Variants in DPP6 observed in about 807,000 individuals in gnomAD.
The protein encoded by DPP6 is A-type potassium channel modulatory protein DPP6.
In DPP6, 69 loss-of-function variants were observed where a neutral mutation model predicts 122.6. That is an observed-to-expected ratio of 0.56 (90% CI 0.46 to 0.69). The LOEUF is 0.69. DPP6 is among the 30% of genes least tolerant of loss of function. The pLI is 0.00. For synonymous variants in DPP6, 418 were observed against 433.1 expected (o/e 0.97, Z 0.43); for missense variants, 928 against 1,116.9 (o/e 0.83, Z 2.41).
chr7:154,692,160 T>C (rs1839967325), intron 7 of DPP6, among the ~76,000 whole-genome samples: 1 of 152,248 alleles, frequency 6.6e-6, no homozygotes, highest in East Asian at 1.9e-4. Context: ...AGGAGAAATC[T>C]ATTATTATCT....
At chr7:154,203,046 G>A (rs571312237) in intron 1 of DPP6, among the ~76,000 whole-genome samples, 40 of 152,256 alleles carry the variant, frequency 2.6e-4, no homozygotes, top group African/African-American at 9.1e-4. Context: ...TGATTTTGCC[G>A]CTTACTAGGT....
intron 6 of DPP6, among the ~76,000 whole-genome samples, chr7:154,660,572 A>G (rs1324132875): frequency 3.7e-5 from 5 of 136,210 alleles, no homozygotes; most frequent in South Asian, 2.4e-4. Context: ...ACCATGGCGT[A>G]TCGGCCGTAG....
intron 21 of DPP6, 179 bp downstream of exon 21, chr7:154,881,121 C>A: frequency 1.9e-6 from 2 of 1,075,182 alleles, no homozygotes; most frequent in Non-Finnish European, 2.5e-6. Context: ...ATTTGATCAG[C>A]TCATTTTCCT....
At chr7:154,883,909 TGCTCACACAC>T (rs200625740) in intron 21 of DPP6, 1 of 118,006 alleles carries the variant, frequency 8.5e-6, no homozygotes, top group Non-Finnish European at 1.7e-5. Flanking sequence ...TACATACACA[TGCTCACACAC>T]GCTCACACAT....
chr7:154,274,651 T>G (rs1172892351), intron 1 of DPP6, among the ~76,000 whole-genome samples: 3 of 135,418 alleles, frequency 2.2e-5, no homozygotes, highest in African/African-American at 8.4e-5. Context: ...GCAAAATACG[T>G]TTTTTTTCTT....
intron 4 of DPP6, among the ~76,000 whole-genome samples, chr7:154,562,480 A>G (rs531063786): frequency 6.6e-6 from 1 of 152,278 alleles, no homozygotes; most frequent in African/African-American, 2.4e-5. Flanking sequence ...TAAAAATACC[A>G]TAAATATCAT....
chr7:154,860,777 C>T (rs1365806427), intron 17 of DPP6, among the ~76,000 whole-genome samples: 1 of 152,228 alleles, frequency 6.6e-6, no homozygotes, highest in Admixed American at 6.5e-5. Flanking sequence ...TCTCACCCTG[C>T]AGGCCAACTG....
chr7:154,319,021 C>T (rs1332912799), intron 1 of DPP6, among the ~76,000 whole-genome samples: 1 of 152,200 alleles, frequency 6.6e-6, no homozygotes, highest in Non-Finnish European at 1.5e-5. Context: ...GTGTGATGAT[C>T]TTTATGTGGC....
chr7:153,971,592 G>A (rs1305105756), intron 1 of DPP6, among the ~76,000 whole-genome samples: 2 of 131,934 alleles, frequency 1.5e-5, no homozygotes, highest in Non-Finnish European at 3.3e-5. Context: ...GATATCTTTT[G>A]GCAGGTTATG....
intron 1 of DPP6, among the ~76,000 whole-genome samples, chr7:154,261,911 T>C (rs1803045866): frequency 6.6e-6 from 1 of 151,978 alleles, no homozygotes; most frequent in Admixed American, 6.6e-5. Context: ...GGAGAAGCTC[T>C]AGGGGAAAAA....
intron 17 of DPP6, among the ~76,000 whole-genome samples, chr7:154,857,090 C>T (rs1455237809): frequency 6.6e-6 from 1 of 152,176 alleles, no homozygotes; most frequent in Non-Finnish European, 1.5e-5. Flanking sequence ...ATATTTCATC[C>T]CGCCCTAGCC....
intron 1 of DPP6, among the ~76,000 whole-genome samples, chr7:153,993,507 C>T (rs1321903481): frequency 6.6e-6 from 1 of 152,162 alleles, no homozygotes; most frequent in Non-Finnish European, 1.5e-5. Flanking sequence ...ATGTATCAAC[C>T]TCGGCAGCAA....
At chr7:154,694,968 G>C (rs1360063833) in intron 7 of DPP6, among the ~76,000 whole-genome samples, 1 of 152,278 alleles carries the variant, frequency 6.6e-6, no homozygotes, top group African/African-American at 2.4e-5. Context: ...TTAATTCACT[G>C]TTCCCCACCT....
At chr7:153,946,757 G>A (rs900604284) in intron 1 of DPP6, among the ~76,000 whole-genome samples, 2 of 152,112 alleles carry the variant, frequency 1.3e-5, no homozygotes. Flanking sequence ...AATTGATATG[G>A]ATGGGCACAC....
At chr7:154,158,302 A>G (rs974498400) in intron 1 of DPP6, among the ~76,000 whole-genome samples, 5 of 151,524 alleles carry the variant, frequency 3.3e-5, no homozygotes, top group African/African-American at 1.2e-4. Context: ...ATGGAATTGA[A>G]TAATTTGGAT....
chr7:154,155,854 C>G (rs71534118), intron 1 of DPP6, among the ~76,000 whole-genome samples: 1 of 151,972 alleles, frequency 6.6e-6, no homozygotes, highest in Non-Finnish European at 1.5e-5. Flanking sequence ...GGACAGAAGG[C>G]CGTGGCTTTA....
At chr7:153,815,220 A>G in the DPP6 span, among the ~76,000 whole-genome samples, 2 of 152,216 alleles carry the variant, frequency 1.3e-5, no homozygotes. Context: ...CCATTGTTTC[A>G]GCCCAAAATC....
chr7:154,102,096 C>T (rs897008653), intron 1 of DPP6, among the ~76,000 whole-genome samples: 1 of 152,144 alleles, frequency 6.6e-6, no homozygotes, highest in Non-Finnish European at 1.5e-5. Flanking sequence ...TGAAGCTATT[C>T]TCACACGCAC....
At chr7:154,283,306 G>A (rs1804647613) in intron 1 of DPP6, among the ~76,000 whole-genome samples, 1 of 152,162 alleles carries the variant, frequency 6.6e-6, no homozygotes, top group African/African-American at 2.4e-5. Context: ...GCAAGTTATT[G>A]CAACTCTGTG....
Sources: gnomAD v4.1 joint callset for allele counts (sites outside exome capture counted in the v4.1 genomes callset) on GRCh38, gnomAD v4.1.1 for gene constraint, MANE v1.5 for transcripts, NCBI Gene and HGNC (gene_info 2026-07-23, HGNC 2026-07-21) for gene names.